The following SERGEF variants were observed in gnomAD, a reference collection of about 807,000 sequenced individuals.
The protein encoded by SERGEF is secretion-regulating guanine nucleotide exchange factor.
SERGEF carries 51 observed loss-of-function variants against 50.0 expected under a neutral mutation model. The observed-to-expected ratio is 1.02, with a 90% confidence interval of 0.81 to 1.29. The LOEUF (loss-of-function observed/expected upper bound fraction) is 1.29, where lower values mean the gene tolerates loss of function less well. SERGEF is among the 50% of genes most tolerant of loss of function. The pLI, the probability that SERGEF is intolerant of heterozygous loss-of-function variation, is 0.00. For synonymous variants in SERGEF, 205 were observed against 212.4 expected, an observed-to-expected ratio of 0.97 and a Z score of 0.30; for missense variants, 521 against 557.0, an observed-to-expected ratio of 0.94 and a Z score of 0.65.
rs975727970 is a variant in SERGEF at position 17,888,801 on chromosome 11, G to T, written c.1012-10557C>A. Among the ~76,000 whole-genome samples, 1 of 152,120 alleles carries T rather than the reference G, an allele frequency of 6.6e-6. No individual in the cohort carries two copies. The highest frequency in any genetic ancestry group is 1.5e-5 in the Non-Finnish European group (1 of 68,020). ...CAACTAAGAGGGATCAGAGCTCCTC[G>T]GAGAAAAGGCTGATTCTAGGGTTGG... is the stretch of plus-strand genomic sequence containing the variant. On this transcript the variant is annotated intron_variant, in intron 9 of 10. Coordinates refer to ENST00000265965, the MANE Select transcript of SERGEF (RefSeq NM_012139.4). The surrounding 1 kb of genome is among the most constrained non-coding windows in gnomAD (Gnocchi z 4.1).
intron 9 of SERGEF, among the ~76,000 whole-genome samples, chr11:17,907,366 C>T (rs1334104469): frequency 1.3e-5 from 2 of 152,166 alleles, no homozygotes; most frequent in Non-Finnish European, 2.9e-5. Flanking sequence ...GATGCTAATG[C>T]TCTATTCTAT....
intron 10 of SERGEF, among the ~76,000 whole-genome samples, chr11:17,824,342 A>G (rs189608340): frequency 6.6e-6 from 1 of 151,790 alleles, no homozygotes; most frequent in Non-Finnish European, 1.5e-5. Flanking sequence ...TCTCCCTTCT[A>G]TCTGGCTGAA....
chr11:17,918,249 T>A (rs1270210563), intron 9 of SERGEF, among the ~76,000 whole-genome samples: 1 of 152,204 alleles, frequency 6.6e-6, no homozygotes, highest in Non-Finnish European at 1.5e-5. Context: ...AACTTATGAA[T>A]GAGCAAGACT....
intron 10 of SERGEF, among the ~76,000 whole-genome samples, chr11:17,812,317 C>T (rs979681147): frequency 2.8e-4 from 43 of 152,234 alleles, no homozygotes; most frequent in African/African-American, 1.0e-3. Context: ...TCCTTCCAAC[C>T]TGCCCATTTC....
chr11:17,968,216 G>A (rs77571857), intron 8 of SERGEF, among the ~76,000 whole-genome samples: 5,512 of 152,224 alleles, frequency 0.036, 328 homozygotes, highest in African/African-American at 0.13. Context: ...AGGTATTGCT[G>A]TTACCACCAA....
chr11:17,864,508 T>TA (rs771041728), intron 10 of SERGEF, among the ~76,000 whole-genome samples: 260 of 151,970 alleles, frequency 1.7e-3, no homozygotes, highest in Admixed American at 3.0e-3. Context: ...CAAGATTCTG[T>TA]AAAAAAAACA....
At chr11:17,839,136 C>T (rs578196987) in intron 10 of SERGEF, among the ~76,000 whole-genome samples, 2 of 152,310 alleles carry the variant, frequency 1.3e-5, no homozygotes, top group East Asian at 3.9e-4. Context: ...CAAATGTCTT[C>T]AAGTTGGAGT....
At chr11:17,801,643 C>A (rs887465091) in intron 10 of SERGEF, among the ~76,000 whole-genome samples, 45 of 152,226 alleles carry the variant, frequency 3.0e-4, no homozygotes, top group African/African-American at 1.1e-3. Context: ...ATCAAGAGTT[C>A]TGTTTTGGAC....
At chr11:17,897,583 A>C (rs1486763942) in intron 9 of SERGEF, among the ~76,000 whole-genome samples, 1 of 152,250 alleles carries the variant, frequency 6.6e-6, no homozygotes, top group Non-Finnish European at 1.5e-5. Flanking sequence ...ACATAACAAC[A>C]TGGATGAATC....
chr11:17,972,661 C>T (rs1320463096), intron 8 of SERGEF, among the ~76,000 whole-genome samples: 2 of 152,132 alleles, frequency 1.3e-5, no homozygotes, highest in African/African-American at 2.4e-5. Context: ...TGCTTTATTG[C>T]TGTAGTCTGG....
intron 10 of SERGEF, among the ~76,000 whole-genome samples, chr11:17,876,297 C>T (rs999682766): frequency 3.3e-5 from 5 of 152,176 alleles, no homozygotes; most frequent in East Asian, 1.9e-4. Flanking sequence ...CTCAAGTGCT[C>T]GCCAGCATGC....
intron 9 of SERGEF, among the ~76,000 whole-genome samples, chr11:17,886,600 C>A (rs1272706617): frequency 6.6e-6 from 1 of 151,880 alleles, no homozygotes; most frequent in Non-Finnish European, 1.5e-5. Context: ...TGGGCGAGTA[C>A]TAAAAGCGAG....
intron 10 of SERGEF, among the ~76,000 whole-genome samples, chr11:17,844,253 A>G (rs1224453761): frequency 6.6e-6 from 1 of 152,194 alleles, no homozygotes; most frequent in African/African-American, 2.4e-5. Context: ...TATACATTAT[A>G]TACATATTTA....
chr11:17,872,505 C>G (rs1851159192), intron 10 of SERGEF, among the ~76,000 whole-genome samples: 1 of 152,144 alleles, frequency 6.6e-6, no homozygotes, highest in South Asian at 2.1e-4. Flanking sequence ...ATTAAGGAGG[C>G]TGCAATAAAC....
chr11:17,944,030 C>A lies in SERGEF; in HGVS notation c.1011+15440G>T, dbSNP rs143495588. On this transcript the variant is annotated intron_variant, in intron 9 of 10. Transcript: ENST00000265965. ...GCAACCTCCACCTCCCAGGTTCAAG[C>A]GGTTCTCCTGCCTCAGCCTTCCAAG... 1.5e-3 allele frequency among the ~76,000 whole-genome samples: 231 copies of A among 152,228 alleles called. 2 individuals carry two copies. The highest frequency in any genetic ancestry group is 5.4e-3 in the African/African-American group (223 of 41,546).
At chr11:17,899,271 T>C (rs1851701891) in intron 9 of SERGEF, among the ~76,000 whole-genome samples, 3 of 152,196 alleles carry the variant, frequency 2.0e-5, no homozygotes, top group Non-Finnish European at 2.9e-5. Context: ...AATAATTTGG[T>C]CCTACTCTAA....
intron 9 of SERGEF, among the ~76,000 whole-genome samples, chr11:17,949,340 A>G (rs565941673): frequency 6.6e-6 from 1 of 152,150 alleles, no homozygotes; most frequent in African/African-American, 2.4e-5. Context: ...CCTGGCAAAG[A>G]GAGGCTTAAT....
At chr11:17,873,347 G>A (rs1191828132) in intron 10 of SERGEF, among the ~76,000 whole-genome samples, 1 of 152,108 alleles carries the variant, frequency 6.6e-6, no homozygotes, top group Non-Finnish European at 1.5e-5. Context: ...GGTAGGTAAA[G>A]CATTTACATT....
intron 4 of SERGEF, among the ~76,000 whole-genome samples, 170 bp downstream of exon 4, chr11:18,004,271 G>A (rs541768995): frequency 6.6e-6 from 1 of 152,234 alleles, no homozygotes; most frequent in Admixed American, 6.5e-5. Context: ...CATTCACAAC[G>A]TTTACCTCCC....
Sources: allele counts gnomAD v4.1 joint callset (sites outside exome capture counted in the v4.1 genomes callset), GRCh38; gene constraint gnomAD v4.1.1; non-coding constraint Gnocchi (gnomAD v3.1); transcripts MANE v1.5; gene names NCBI Gene and HGNC (gene_info 2026-07-23, HGNC 2026-07-21).